Variants in TCP11L1 observed in about 807,000 individuals in gnomAD.
TCP11L1 encodes the protein t-complex 11 like 1, also known as T-complex protein 11-like protein 1.
TCP11L1 carries 28 observed loss-of-function variants against 48.9 expected under a neutral mutation model. That is an observed-to-expected ratio of 0.57 (90% CI 0.42 to 0.78). The LOEUF (loss-of-function observed/expected upper bound fraction) is 0.78, where lower values mean the gene tolerates loss of function less well. TCP11L1 is among the 30% of genes least tolerant of loss of function. The pLI is 0.00. For missense variants in TCP11L1, 505 were observed against 613.4 expected (o/e 0.82, Z 1.87); for synonymous variants, 204 against 231.9 (o/e 0.88, Z 1.09).
At chr11:33,057,029 A>G (rs1854329075) in intron 3 of TCP11L1, 86 bp from the exon 4 acceptor site, 2 of 1,577,096 alleles carry the variant, frequency 1.3e-6, no homozygotes, top group Non-Finnish European at 1.7e-6. Flanking sequence ...CTTACCCTAA[A>G]CCCATAGTAT....
At chr11:33,061,775 G>A in intron 7 of TCP11L1, 49 bp downstream of exon 7, 1 of 1,510,378 alleles carries the variant, frequency 6.6e-7, no homozygotes, top group Non-Finnish European at 8.9e-7. Flanking sequence ...TTGTGCTGCT[G>A]AACTTTTTAA....
intron 8 of TCP11L1, among the ~76,000 whole-genome samples, chr11:33,066,255 T>G (rs1392937338): frequency 6.6e-6 from 1 of 152,172 alleles, no homozygotes; most frequent in African/African-American, 2.4e-5. Context: ...CTTCAAAATG[T>G]GTGTGACTAG....
At chr11:33,040,808 G>C (rs139779051) in intron 1 of TCP11L1, 1 of 151,344 alleles carries the variant, frequency 6.6e-6, no homozygotes, top group African/African-American at 2.4e-5. Context: ...GTTTTAACTA[G>C]GTGAAATCCT....
At chr11:33,040,334 G>A (rs1255446623) in intron 1 of TCP11L1, 1 of 152,184 alleles carries the variant, frequency 6.6e-6, no homozygotes, top group Admixed American at 6.5e-5. Flanking sequence ...GTTACCATTT[G>A]TAGAAGGCCT....
intron 2 of TCP11L1, among the ~76,000 whole-genome samples, chr11:33,052,914 G>A (rs1185929195): frequency 6.6e-6 from 1 of 152,158 alleles, no homozygotes; most frequent in Non-Finnish European, 1.5e-5. Context: ...GATGATTTGA[G>A]CCTGAGAGGT....
chr11:33,049,459 G>A (rs1361190781), intron 2 of TCP11L1, among the ~76,000 whole-genome samples: 1 of 152,016 alleles, frequency 6.6e-6, no homozygotes, highest in South Asian at 2.1e-4. Context: ...TGGGCCCAGG[G>A]GACCTGCACC....
At chr11:33,059,167 A>G (rs1441355068) in intron 6 of TCP11L1, 72 bp downstream of exon 6, 5 of 1,569,110 alleles carry the variant, frequency 3.2e-6, no homozygotes, top group Non-Finnish European at 4.3e-6. Context: ...AGCTTGTTGC[A>G]TAATATTATT....
intron 3 of TCP11L1, among the ~76,000 whole-genome samples, chr11:33,055,034 T>C (rs555008422): frequency 6.6e-6 from 1 of 152,274 alleles, no homozygotes; most frequent in Non-Finnish European, 1.5e-5. Context: ...GCGAAGACTG[T>C]GGGTTATTCT....
chr11:33,065,433 T>C (rs752169169), intron 7 of TCP11L1, among the ~76,000 whole-genome samples: 1 of 152,116 alleles, frequency 6.6e-6, no homozygotes, highest in Non-Finnish European at 1.5e-5. Context: ...CCGGCTAGTT[T>C]TGTATTTTTA....
At chr11:33,068,125 G>T (rs554061548) in intron 8 of TCP11L1, among the ~76,000 whole-genome samples, 1 of 152,130 alleles carries the variant, frequency 6.6e-6, no homozygotes, top group South Asian at 2.1e-4. Context: ...CACCATGTTG[G>T]CCAGGCTGGT....
intron 2 of TCP11L1, among the ~76,000 whole-genome samples, chr11:33,049,064 A>G (rs532770264): frequency 1.3e-5 from 2 of 152,290 alleles, no homozygotes; most frequent in South Asian, 2.1e-4. Flanking sequence ...ATCCTGGCCA[A>G]CATGGTGAAA....
chr11:33,046,144 T>C (rs1292222762), intron 2 of TCP11L1, among the ~76,000 whole-genome samples: 1 of 152,248 alleles, frequency 6.6e-6, no homozygotes, highest in Non-Finnish European at 1.5e-5. Context: ...TTCTGCCCTT[T>C]AGCACAGAGC....
In TCP11L1 at chr11:33,061,514, G is replaced by C. The variant is rs1854464989; in HGVS notation, c.776-16G>C. ...TCTTGGTGTCAAGGTAATGTGTGCA[G>C]CTTTGTTTTTCACAGATTCCCTGGA... On this transcript the variant is annotated splice_polypyrimidine_tract_variant and intron_variant, in intron 6 of 9. Transcript: ENST00000334274. 1.3e-6 allele frequency: 2 copies of C among 1,587,868 alleles called. No individual in the cohort carries two copies. The highest frequency in any genetic ancestry group is 4.5e-5 in the East Asian group (2 of 44,422).
intron 2 of TCP11L1, among the ~76,000 whole-genome samples, chr11:33,046,884 G>C (rs1854011514): frequency 6.6e-6 from 1 of 152,160 alleles, no homozygotes; most frequent in South Asian, 2.1e-4. Context: ...AGCAAAAAGA[G>C]AACATTTATT....
At position 33,073,050 on chromosome 11, in the gene TCP11L1, G is replaced by A. The variant is rs902873129; in HGVS notation, c.*374G>A. 5 of 256,670 alleles carry A rather than the reference G, an allele frequency of 1.9e-5. No homozygotes were observed. The highest frequency in any genetic ancestry group is 3.0e-5 in the Non-Finnish European group (4 of 131,828). The allele number at this position is 256,670 out of a possible 1,614,324, so 15.9% of individuals were successfully genotyped here. A position where few individuals can be genotyped will look rare whatever the true frequency, so the allele number is the denominator to read the frequency against. ...ATGCTGAGCTGACGGCCATCCAAGCGCAAAAGAGACCAAGCCATGGCCTCA... is the reference window on the plus strand; with the variant it reads ...ATGCTGAGCTGACGGCCATCCAAGCACAAAAGAGACCAAGCCATGGCCTCA... On this transcript the variant is annotated 3_prime_UTR_variant, in exon 10 of 10. Coordinates refer to ENST00000334274, the MANE Select transcript of TCP11L1 (RefSeq NM_018393.4).
At chr11:33,053,196 G>A (rs1241567884) in intron 2 of TCP11L1, among the ~76,000 whole-genome samples, 1 of 148,392 alleles carries the variant, frequency 6.7e-6, no homozygotes, top group Non-Finnish European at 1.5e-5. Flanking sequence ...CCAGGCTGGA[G>A]TGCAATGGTG....
chr11:33,045,633 G>A (rs1853968895), intron 2 of TCP11L1, among the ~76,000 whole-genome samples: 1 of 152,204 alleles, frequency 6.6e-6, no homozygotes, highest in African/African-American at 2.4e-5. Flanking sequence ...AGAACTTTTG[G>A]TTTAGGTCTT....
chr11:33,069,594 G>C (rs929946674), intron 9 of TCP11L1, among the ~76,000 whole-genome samples: 1 of 151,824 alleles, frequency 6.6e-6, no homozygotes, highest in Non-Finnish European at 1.5e-5. Context: ...TGAATACATA[G>C]TTTTGTTTGT....
chr11:33,060,101 C>CTTG (rs891402401), intron 6 of TCP11L1, among the ~76,000 whole-genome samples: 15 of 152,150 alleles, frequency 9.9e-5, no homozygotes, highest in African/African-American at 2.9e-4. Context: ...AGAGTTTTTT[C>CTTG]TTGTTGTTGT....
Sources: allele counts gnomAD v4.1 joint callset (sites outside exome capture counted in the v4.1 genomes callset), GRCh38; gene constraint gnomAD v4.1.1; transcripts MANE v1.5; gene names NCBI Gene and HGNC (gene_info 2026-07-23, HGNC 2026-07-21).